The following SHOC2 variants were observed in gnomAD, a reference collection of about 807,000 sequenced individuals.
SHOC2 encodes the protein leucine-rich repeat protein SHOC-2.
A neutral mutation model predicts 50.2 loss-of-function variants in SHOC2; 4 were observed. The observed-to-expected ratio is 0.08, with a 90% confidence interval of 0.04 to 0.18. The LOEUF (loss-of-function observed/expected upper bound fraction) is 0.18. SHOC2 is among the 10% of genes least tolerant of loss of function. SHOC2 has a pLI of 1.00. For missense variants in SHOC2, 388 were observed against 669.6 expected (o/e 0.58, Z 4.64); for synonymous variants, 218 against 244.5 (o/e 0.89, Z 1.01).
At chr10:110,933,524 G>A (rs1390891829) in intron 1 of SHOC2, among the ~76,000 whole-genome samples, 1 of 152,172 alleles carries the variant, frequency 6.6e-6, no homozygotes, top group Non-Finnish European at 1.5e-5. Context: ...ATTATTACAG[G>A]AGACCAGGCA....
chr10:110,954,156 A>G (rs544047331), intron 1 of SHOC2, among the ~76,000 whole-genome samples: 1 of 151,762 alleles, frequency 6.6e-6, no homozygotes, highest in South Asian at 2.1e-4. Flanking sequence ...CACAGTATAT[A>G]CTGTTAAAAT....
At chr10:110,956,702 G>A (rs1159625248) in intron 1 of SHOC2, among the ~76,000 whole-genome samples, 1 of 151,956 alleles carries the variant, frequency 6.6e-6, no homozygotes, top group Non-Finnish European at 1.5e-5. Flanking sequence ...CATTTATCTT[G>A]ATCTGCTTGG....
At chr10:110,952,631 T>A (rs1847378301) in intron 1 of SHOC2, among the ~76,000 whole-genome samples, 1 of 152,106 alleles carries the variant, frequency 6.6e-6, no homozygotes, top group African/African-American at 2.4e-5. Context: ...TGTGCCATCA[T>A]GGTTTGCTGC....
In SHOC2 at chr10:111,004,617, A is replaced by G; in HGVS notation, c.984A>G (p.Ser328=). The change falls in exon 5 of 9, where the codon TCA becomes TCG. Residue 328 remains serine, a synonymous_variant. Coordinates refer to ENST00000369452, the MANE Select transcript of SHOC2 (RefSeq NM_007373.4). ...NISTLPESLL[S]SLVKLNSLTL... Reference sequence around the variant, plus strand: ...CATTTTTTTTACAGAGTCTTTTATCAAGTCTTGTGAAACTGAATAGTTTGA... The same window carrying G: ...CATTTTTTTTACAGAGTCTTTTATCGAGTCTTGTGAAACTGAATAGTTTGA... The G allele has an allele frequency of 6.2e-7, 1 of 1,610,138 alleles. No homozygotes were observed. The highest frequency in any genetic ancestry group is 1.1e-5 in the South Asian group (1 of 90,984).
intron 3 of SHOC2, among the ~76,000 whole-genome samples, chr10:110,997,466 C>G (rs1427883286): frequency 6.6e-6 from 1 of 152,042 alleles, no homozygotes; most frequent in Non-Finnish European, 1.5e-5. Flanking sequence ...TTTTCTTTCC[C>G]TTTTTTTGCA....
chr10:110,937,707 A>C (rs1275608897), intron 1 of SHOC2, among the ~76,000 whole-genome samples: 1 of 152,192 alleles, frequency 6.6e-6, no homozygotes, highest in Admixed American at 6.5e-5. Flanking sequence ...AGTTTTCCGA[A>C]AGCCAAAAAT....
At position 111,007,666 on chromosome 10, in the gene SHOC2, G is replaced by T; in HGVS notation, c.1284+13G>T. The T allele has an allele frequency of 6.2e-7, 1 of 1,612,840 alleles. No individual in the cohort carries two copies. The highest frequency in any genetic ancestry group is 1.1e-5 in the South Asian group (1 of 90,998). On this transcript the variant is annotated intron_variant, in intron 6 of 8. Transcript: ENST00000369452. ...CGTTTCTCTTGAGGTTAGTATAAAT[G>T]AGCAATTAGAGAACTTCAGAACCTT...
chr10:110,999,222 T>C (rs1023378509), intron 3 of SHOC2, among the ~76,000 whole-genome samples: 1 of 152,196 alleles, frequency 6.6e-6, no homozygotes, highest in African/African-American at 2.4e-5. Context: ...ATAGCAACAG[T>C]TGTGATTTGA....
intron 2 of SHOC2, among the ~76,000 whole-genome samples, chr10:110,968,583 T>G (rs1419654211): frequency 1.3e-5 from 2 of 151,666 alleles, no homozygotes; most frequent in Non-Finnish European, 2.9e-5. Context: ...TCTTCTTGTT[T>G]GAATAAATAT....
intron 2 of SHOC2, among the ~76,000 whole-genome samples, chr10:110,972,221 A>G (rs1468892920): frequency 6.6e-6 from 1 of 151,778 alleles, no homozygotes; most frequent in East Asian, 1.9e-4. Flanking sequence ...TTAGTACAGC[A>G]TTATAATATT....
chr10:110,977,666 T>C (rs1374397297), intron 2 of SHOC2, among the ~76,000 whole-genome samples: 2 of 152,270 alleles, frequency 1.3e-5, no homozygotes, highest in African/African-American at 4.8e-5. Flanking sequence ...GTTAAATTTT[T>C]CTGTAGTCAG....
intron 2 of SHOC2, among the ~76,000 whole-genome samples, chr10:110,965,428 T>G (rs1847654115): frequency 6.6e-6 from 1 of 152,178 alleles, no homozygotes; most frequent in African/African-American, 2.4e-5. Flanking sequence ...GAAAACTACA[T>G]TTTCTCATTC....
At chr10:110,973,514 A>G (rs1847820824) in intron 2 of SHOC2, among the ~76,000 whole-genome samples, 1 of 151,946 alleles carries the variant, frequency 6.6e-6, no homozygotes, top group South Asian at 2.1e-4. Flanking sequence ...AAAAATTTTG[A>G]TCATGGTTTG....
chr10:110,964,932 G>T lies in SHOC2; in HGVS notation c.574G>T (p.Asp192Tyr), dbSNP rs769457449. The change falls in exon 2 of 9, where the codon GAT (aspartate) becomes TAT (tyrosine). Residue 192 changes from aspartate (D) to tyrosine (Y), a missense_variant. Physicochemically the swap from Asp to Tyr is radical, Grantham distance 160. Around this residue, in one of 5 missense-constraint regions of SHOC2, gnomAD observed 88 missense variants for 147.2 expected, o/e 0.60. Coordinates refer to ENST00000369452, the MANE Select transcript of SHOC2 (RefSeq NM_007373.4). This position sits in a 1 kb window ranked among gnomAD's most constrained non-coding sequence, Gnocchi z 4.9. ...REIPSVVYRLDSLTTLYLRFN... is the reference protein window; with the variant it reads ...REIPSVVYRLYSLTTLYLRFN... ...AATTCCTTCAGTGGTGTATAGGCTG[G>T]ATTCTCTCACCACTCTTTACCTTCG... 1.2e-6 allele frequency: 2 copies of T among 1,613,732 alleles called. No homozygotes were observed. Among genetic ancestry groups the T allele is most frequent in the South Asian group, 1.1e-5 (1 of 91,076 alleles).
chr10:110,948,017 A>G (rs1847281036), intron 1 of SHOC2, among the ~76,000 whole-genome samples: 1 of 152,162 alleles, frequency 6.6e-6, no homozygotes, highest in Non-Finnish European at 1.5e-5. Context: ...TAGGCTGAAA[A>G]TGAAGAAATG....
At chr10:110,921,909 T>G (rs536349695) in intron 1 of SHOC2, among the ~76,000 whole-genome samples, 1 of 152,092 alleles carries the variant, frequency 6.6e-6, no homozygotes, top group African/African-American at 2.4e-5. Flanking sequence ...AATTTTCTCA[T>G]AAATTATTAT....
rs1848175989 is a variant in SHOC2, at chr10:110,990,982, C to G, written c.841+5217C>G. 2.0e-5 allele frequency among the ~76,000 whole-genome samples: 3 copies of G among 152,048 alleles called. No homozygotes were observed. In the South Asian group the frequency reaches 6.2e-4, roughly 31 times the overall value. On this transcript the variant is annotated intron_variant, in intron 3 of 8. Coordinates refer to ENST00000369452, the MANE Select transcript of SHOC2 (RefSeq NM_007373.4). Reference sequence around the variant, plus strand: ...TCTAGCCTTGAGATCTTTGTGCTTCCCATCTCTCTGTTTAGAACTCTTTTC... The same window carrying G: ...TCTAGCCTTGAGATCTTTGTGCTTCGCATCTCTCTGTTTAGAACTCTTTTC...
At chr10:110,994,546 G>A (rs1456440709) in intron 3 of SHOC2, among the ~76,000 whole-genome samples, 1 of 152,088 alleles carries the variant, frequency 6.6e-6, no homozygotes, top group South Asian at 2.1e-4. Context: ...CACATGACAT[G>A]AAACACTTTA....
intron 1 of SHOC2, among the ~76,000 whole-genome samples, chr10:110,937,537 G>A (rs899980960): frequency 1.3e-5 from 2 of 152,088 alleles, no homozygotes; most frequent in African/African-American, 4.8e-5. Flanking sequence ...AGTAGTTTGT[G>A]TTTCTGTTTC....
Sources: gnomAD v4.1 joint callset for allele counts (sites outside exome capture counted in the v4.1 genomes callset) on GRCh38, gnomAD v4.1.1 for gene constraint, gnomAD v4.1.1 regional missense constraint, Gnocchi (gnomAD v3.1) non-coding constraint, MANE v1.5 for transcripts, NCBI Gene and HGNC (gene_info 2026-07-23, HGNC 2026-07-21) for gene names.